Variants in BMP6 observed in about 807,000 individuals in gnomAD.
BMP6 encodes bone morphogenetic protein 6, also known as VG-1-R.
Under a neutral mutation model 54.1 loss-of-function variants are expected in BMP6, and 17 were observed. The observed-to-expected ratio is 0.31, with a 90% CI of 0.22 to 0.47. The LOEUF is 0.47. BMP6 is among the 20% of genes least tolerant of loss of function. The probability of loss-of-function intolerance (pLI) is 1.00; values close to 1 mark genes in which losing one functional copy is unlikely to be tolerated. For synonymous variants in BMP6, 328 were observed against 291.2 expected, an observed-to-expected ratio of 1.13 and a Z score of -1.28; for missense variants, 720 against 690.4, an observed-to-expected ratio of 1.04 and a Z score of -0.48.
chr6:7,752,185 GCTAC>G (rs1261768795), intron 1 of BMP6, among the ~76,000 whole-genome samples: 1 of 152,196 alleles, frequency 6.6e-6, no homozygotes, highest in African/African-American at 2.4e-5. Context: ...CTTTGTCTCA[GCTAC>G]TCAACTCTGT....
At position 7,879,987 on chromosome 6, in the gene BMP6, T is replaced by G; in HGVS notation, c.1282-4T>G. 1 of 1,613,226 alleles carries G rather than the reference T, an allele frequency of 6.2e-7. No homozygotes were observed. Among genetic ancestry groups the G allele is most frequent in the Non-Finnish European group, 8.5e-7 (1 of 1,179,172 alleles). On this transcript the variant is annotated splice_region_variant and splice_polypyrimidine_tract_variant and intron_variant, in intron 5 of 6. Transcript: ENST00000283147. Reference sequence around the variant, plus strand: ...TTTTGTTGCTTCCTTTGCATGAAATTAAGGACTGGATCATTGCACCCAAGG... The same window carrying G: ...TTTTGTTGCTTCCTTTGCATGAAATGAAGGACTGGATCATTGCACCCAAGG...
intron 1 of BMP6, among the ~76,000 whole-genome samples, chr6:7,759,320 A>AG (rs1757572341): frequency 6.6e-6 from 1 of 152,180 alleles, no homozygotes; most frequent in South Asian, 2.1e-4. Flanking sequence ...TTCCACGTGG[A>AG]GGGGACGTCT....
intron 1 of BMP6, among the ~76,000 whole-genome samples, chr6:7,767,048 G>A (rs1469753334): frequency 2.7e-5 from 4 of 150,460 alleles, no homozygotes; most frequent in South Asian, 2.1e-4. Flanking sequence ...GTGCAGTGGC[G>A]CGATCTCGGT....
Position 7,727,444 on chromosome 6 carries a change from C to A in BMP6, c.489C>A (p.His163Gln). 6.2e-7 allele frequency: 1 copy of A among 1,602,638 alleles called. No individual in the cohort carries two copies. The highest frequency in any genetic ancestry group is 2.2e-5 in the East Asian group (1 of 44,584). The change falls in exon 1 of 7, where the codon CAC (histidine) becomes CAA (glutamine). Residue 163 changes from histidine to glutamine, a missense_variant. His to Gln is a conservative substitution (Grantham distance 24). Transcript: ENST00000283147. ...SEGERQQSWP[H>Q]EAASSSQRRQ... ...GGGAGAGGCAGCAGTCCTGGCCCCA[C>A]GAAGCAGCCAGCTCGTCCCAGCGTC...
chr6:7,877,938 C>T (rs1324342136), intron 4 of BMP6, among the ~76,000 whole-genome samples: 1 of 152,228 alleles, frequency 6.6e-6, no homozygotes, highest in Non-Finnish European at 1.5e-5. Flanking sequence ...TGCTGCTCTG[C>T]AGCTCAGAAC....
At chr6:7,814,870 A>G (rs959989974) in intron 1 of BMP6, among the ~76,000 whole-genome samples, 2 of 152,190 alleles carry the variant, frequency 1.3e-5, no homozygotes, top group African/African-American at 4.8e-5. Context: ...TAATGCATGC[A>G]GGGCTTAAAA....
chr6:7,858,197 C>T (rs1049614976), intron 2 of BMP6, among the ~76,000 whole-genome samples: 2 of 152,192 alleles, frequency 1.3e-5, no homozygotes, highest in Admixed American at 6.5e-5. Flanking sequence ...GATCCTCTCG[C>T]CTCAGCTTCC....
intron 1 of BMP6, among the ~76,000 whole-genome samples, chr6:7,733,276 A>G (rs1235294959): frequency 2.0e-5 from 3 of 151,958 alleles, no homozygotes; most frequent in Admixed American, 2.0e-4. Context: ...TCTTTATTCT[A>G]TTTTTCTTCC....
intron 1 of BMP6, among the ~76,000 whole-genome samples, chr6:7,822,609 C>G (rs1758628024): frequency 6.6e-6 from 1 of 152,136 alleles, no homozygotes; most frequent in Non-Finnish European, 1.5e-5. Context: ...CAAGCCCACC[C>G]TGGCTCTGAG....
At chr6:7,848,304 G>A (rs79559742) in intron 2 of BMP6, among the ~76,000 whole-genome samples, 6,876 of 152,240 alleles carry the variant, frequency 0.045, 169 homozygotes, top group Middle Eastern at 0.075. Context: ...TTCACAAAGT[G>A]TATGACTTCC....
At position 7,877,627 on chromosome 6, in the gene BMP6, GA is replaced by G. The variant is rs370085398; in HGVS notation, c.1205-1434del. 3.3e-3 allele frequency among the ~76,000 whole-genome samples: 455 copies of G among 137,796 alleles called. 6 individuals carry two copies. Among genetic ancestry groups the G allele is most frequent in the South Asian group, 0.027 (119 of 4,354 alleles). The allele number at this position is 137,796 out of a possible 152,430, so 90.4% of individuals were successfully genotyped here. A position where few individuals can be genotyped will look rare whatever the true frequency, so the allele number is the denominator to read the frequency against. On this transcript the variant is annotated intron_variant, in intron 4 of 6. Coordinates refer to ENST00000283147, the MANE Select transcript of BMP6 (RefSeq NM_001718.6). Reference sequence around the variant, plus strand: ...AACAGAGCAAGACTCTGTCTCAAAAGAAAAAAAAAAAAATTAATGAAATCTG... The same window carrying G: ...AACAGAGCAAGACTCTGTCTCAAAAGAAAAAAAAAAAATTAATGAAATCTG...
chr6:7,807,206 T>C (rs964016318), intron 1 of BMP6, among the ~76,000 whole-genome samples: 12 of 152,300 alleles, frequency 7.9e-5, no homozygotes, highest in African/African-American at 2.2e-4. Context: ...ATCCTTTCGA[T>C]ATACAAAGGG....
chr6:7,742,752 C>G (rs2113119057), intron 1 of BMP6, among the ~76,000 whole-genome samples: 1 of 152,186 alleles, frequency 6.6e-6, no homozygotes. Flanking sequence ...ACAAGTGTGT[C>G]CAAATAGGTT....
intron 1 of BMP6, among the ~76,000 whole-genome samples, chr6:7,803,474 A>G (rs1468065365): frequency 6.6e-6 from 1 of 152,078 alleles, no homozygotes; most frequent in Non-Finnish European, 1.5e-5. Context: ...GCTTGTCTTA[A>G]TCTTTCATTT....
At chr6:7,805,121 G>A (rs568366273) in intron 1 of BMP6, among the ~76,000 whole-genome samples, 28 of 152,254 alleles carry the variant, frequency 1.8e-4, no homozygotes, top group African/African-American at 5.5e-4. Flanking sequence ...CCATTTCAAT[G>A]TTTTGTCCCT....
intron 1 of BMP6, among the ~76,000 whole-genome samples, chr6:7,787,590 A>G (rs953212164): frequency 2.0e-5 from 3 of 152,240 alleles, no homozygotes; most frequent in Admixed American, 6.5e-5. Flanking sequence ...TAGCAAACCA[A>G]GGTGCCATTT....
intron 1 of BMP6, among the ~76,000 whole-genome samples, chr6:7,791,904 TAAG>T (rs1367048039): frequency 6.6e-6 from 1 of 152,158 alleles, no homozygotes; most frequent in African/African-American, 2.4e-5. Flanking sequence ...GCCTCCTACT[TAAG>T]AATCAAAAAC....
intron 4 of BMP6, among the ~76,000 whole-genome samples, chr6:7,872,814 C>CTTTT (rs55666956): frequency 6.0e-5 from 8 of 133,836 alleles, no homozygotes; most frequent in South Asian, 2.4e-4. Flanking sequence ...CTTTTTTTTT[C>CTTTT]TTTTTTTTTT....
intron 1 of BMP6, among the ~76,000 whole-genome samples, chr6:7,780,345 C>T (rs764849594): frequency 1.3e-4 from 20 of 151,868 alleles, no homozygotes; most frequent in Non-Finnish European, 2.5e-4. Flanking sequence ...GTCAGGAGCC[C>T]AAGACCAGCC....
Sources: gnomAD v4.1 joint callset for allele counts (sites outside exome capture counted in the v4.1 genomes callset) on GRCh38, gnomAD v4.1.1 for gene constraint, MANE v1.5 for transcripts, NCBI Gene and HGNC (gene_info 2026-07-23, HGNC 2026-07-21) for gene names.